Variants in CLHC1 observed in about 807,000 individuals in gnomAD.
CLHC1 encodes clathrin heavy chain linker domain containing 1.
CLHC1 carries 72 observed loss-of-function variants against 69.5 expected under a neutral mutation model. That is an observed-to-expected ratio of 1.04 (90% CI 0.86 to 1.26). The LOEUF (loss-of-function observed/expected upper bound fraction) is 1.26. Among genes scored for constraint, CLHC1 ranks in the 50% most tolerant of loss-of-function variants. The pLI is 0.00. For missense variants in CLHC1, 790 were observed against 679.3 expected (o/e 1.16, Z -1.81); for synonymous variants, 223 against 224.3 (o/e 0.99, Z 0.05).
chr2:55,175,583 T>C lies in CLHC1; in HGVS notation c.*207A>G. 1 of 515,932 alleles carries C rather than the reference T, an allele frequency of 1.9e-6. No individual in the cohort carries two copies. The highest frequency in any genetic ancestry group is 3.4e-6 in the Non-Finnish European group (1 of 291,616). 32.0% of individuals were successfully genotyped at this position (515,932 alleles called of 1,614,324 possible). On this transcript the variant is annotated 3_prime_UTR_variant, in exon 13 of 13. Coordinates refer to ENST00000401408, the MANE Select transcript of CLHC1 (RefSeq NM_152385.4). Reference sequence around the variant, plus strand: ...AATCTTGGATTTTATCAAGATTCAATATAAGAAATGACCATATGGGGAAAA... The same window carrying C: ...AATCTTGGATTTTATCAAGATTCAACATAAGAAATGACCATATGGGGAAAA...
chr2:55,223,435 G>A (rs1363161089), intron 2 of CLHC1, among the ~76,000 whole-genome samples: 1 of 152,106 alleles, frequency 6.6e-6, no homozygotes, highest in Admixed American at 6.5e-5. Flanking sequence ...GCCTGGCGGG[G>A]GCGAGCGCGC....
At chr2:55,197,831 C>T (rs1366562628) in intron 9 of CLHC1, among the ~76,000 whole-genome samples, 1 of 152,138 alleles carries the variant, frequency 6.6e-6, no homozygotes, top group Non-Finnish European at 1.5e-5. Flanking sequence ...ACCAGGAAAA[C>T]ATGACCTCAC....
rs529562283 is a variant in CLHC1, at chr2:55,230,013, G to A, written c.-255-1809C>T. 1.1e-4 allele frequency among the ~76,000 whole-genome samples: 16 copies of A among 152,318 alleles called. No homozygotes were observed. The South Asian group carries it at 1.7e-3, about 16-fold the overall frequency. On this transcript the variant is annotated intron_variant, in intron 1 of 12. Coordinates refer to ENST00000401408, the MANE Select transcript of CLHC1 (RefSeq NM_152385.4). ...ACCTAACCCGGGAAGCAGAGTTTGC[G>A]GTGAGCCAAGATTGTGCCATTGCAC...
At position 55,230,520 on chromosome 2, in the gene CLHC1, T is replaced by C. The variant is rs149271302; in HGVS notation, c.-256+1703A>G. ...TTTATGAGTCATTTGCATATGATGA[T>C]ACTTTAAAAGTTATTAAACAAAAAT... On this transcript the variant is annotated intron_variant, in intron 1 of 12. Coordinates refer to ENST00000401408, the MANE Select transcript of CLHC1 (RefSeq NM_152385.4). 6.1e-3 allele frequency among the ~76,000 whole-genome samples: 925 copies of C among 152,314 alleles called. 2 individuals are homozygous for C. The highest frequency in any genetic ancestry group is 9.9e-3 in the Non-Finnish European group (673 of 68,026).
intron 9 of CLHC1, among the ~76,000 whole-genome samples, chr2:55,200,667 A>G (rs1326033351): frequency 2.6e-5 from 4 of 152,300 alleles, no homozygotes; most frequent in African/African-American, 9.6e-5. Context: ...GATCTGCACT[A>G]TAGACAAAAT....
In CLHC1 at chr2:55,209,449, A is replaced by C. The variant is rs1392740339; in HGVS notation, c.769T>G (p.Phe257Val). ...SWVKSDMSSP[F>V]QDFVEQIQKT... ...TGAATTTGCTCCACAAAGTCTTGAA[A>C]TGGGCTGCTCATATCAGATTTTACC... The change falls in exon 7 of 13, where the codon TTT (phenylalanine) becomes GTT (valine). Residue 257 changes from phenylalanine to valine, a missense_variant. Phe to Val is a conservative substitution (Grantham distance 50, BLOSUM62 -1). Coordinates refer to ENST00000401408, the MANE Select transcript of CLHC1 (RefSeq NM_152385.4). 6.2e-7 allele frequency: 1 copy of C among 1,611,878 alleles called. No homozygotes were observed. Among genetic ancestry groups the C allele is most frequent in the Admixed American group, 1.7e-5 (1 of 59,556 alleles).
At chr2:55,184,174 C>T (rs999789953) in intron 9 of CLHC1, among the ~76,000 whole-genome samples, 8 of 149,106 alleles carry the variant, frequency 5.4e-5, no homozygotes, top group Non-Finnish European at 8.9e-5. Context: ...GGCACGATCA[C>T]GGCTCACTGT....
At chr2:55,217,096 G>T (rs949155983) in intron 4 of CLHC1, among the ~76,000 whole-genome samples, 6 of 152,168 alleles carry the variant, frequency 3.9e-5, no homozygotes, top group African/African-American at 1.4e-4. Flanking sequence ...TTGGGAGGCT[G>T]AGGTGGGAGG....
intron 9 of CLHC1, among the ~76,000 whole-genome samples, chr2:55,190,283 G>A (rs192853634): frequency 0.01 from 1,572 of 152,070 alleles, 87 homozygotes; most frequent in Admixed American, 0.092. Context: ...TCCTGACCTC[G>A]TGATCCACCT....
At chr2:55,201,391 T>G (rs992319475) in intron 9 of CLHC1, among the ~76,000 whole-genome samples, 14 of 152,074 alleles carry the variant, frequency 9.2e-5, no homozygotes, top group African/African-American at 1.2e-4. Context: ...TATGAGCAAC[T>G]ATATGCCAAT....
At chr2:55,215,869 A>C (rs1673442696) in intron 4 of CLHC1, 1 of 152,088 alleles carries the variant, frequency 6.6e-6, no homozygotes, top group South Asian at 2.1e-4. Context: ...ATTTTTGAAA[A>C]AATGTATTAG....
chr2:55,199,708 C>T (rs1015021195), intron 9 of CLHC1, among the ~76,000 whole-genome samples: 2 of 151,984 alleles, frequency 1.3e-5, no homozygotes, highest in Non-Finnish European at 2.9e-5. Flanking sequence ...TTGCAAGTCT[C>T]ATGATAACCT....
intron 4 of CLHC1, among the ~76,000 whole-genome samples, chr2:55,214,192 T>C (rs1370622360): frequency 1.3e-5 from 2 of 152,188 alleles, no homozygotes; most frequent in African/African-American, 4.8e-5. Flanking sequence ...AATACATAAA[T>C]GTCACAGGGT....
chr2:55,178,893 C>A (rs532015804), intron 11 of CLHC1, among the ~76,000 whole-genome samples: 2 of 149,528 alleles, frequency 1.3e-5, no homozygotes, highest in South Asian at 4.2e-4. Flanking sequence ...TACTACATTT[C>A]AAAATCCATT....
chr2:55,192,587 A>C (rs1671035598), intron 9 of CLHC1, among the ~76,000 whole-genome samples: 1 of 152,182 alleles, frequency 6.6e-6, no homozygotes, highest in Non-Finnish European at 1.5e-5. Flanking sequence ...CTTACTACTA[A>C]GCTACAGTAA....
At chr2:55,180,804 G>C in intron 10 of CLHC1, 92 bp from the exon 11 acceptor site, 1 of 866,900 alleles carries the variant, frequency 1.2e-6, no homozygotes, top group Non-Finnish European at 1.8e-6. Context: ...AGTAGGACTG[G>C]ATTTTCTACT....
intron 9 of CLHC1, among the ~76,000 whole-genome samples, chr2:55,191,140 G>A (rs1241808406): frequency 6.6e-6 from 1 of 152,154 alleles, no homozygotes; most frequent in Non-Finnish European, 1.5e-5. Flanking sequence ...AAAAGCGAAG[G>A]TAAAATGTAG....
chr2:55,191,766 C>G (rs1010106153), intron 9 of CLHC1, among the ~76,000 whole-genome samples: 1 of 150,580 alleles, frequency 6.6e-6, no homozygotes, highest in Non-Finnish European at 1.5e-5. Context: ...TCAATTAATC[C>G]AAAAGAAGCC....
At chr2:55,213,587 G>A (rs945415855) in intron 4 of CLHC1, among the ~76,000 whole-genome samples, 1 of 137,172 alleles carries the variant, frequency 7.3e-6, no homozygotes, top group African/African-American at 2.7e-5. Context: ...AGGAAGGACA[G>A]CACTTCCCTG....
Sources: gnomAD v4.1 joint callset for allele counts (sites outside exome capture counted in the v4.1 genomes callset) on GRCh38, gnomAD v4.1.1 for gene constraint, MANE v1.5 for transcripts, NCBI Gene and HGNC (gene_info 2026-07-23, HGNC 2026-07-21) for gene names.